EPHX2: variants seen among roughly 807,000 people sequenced by gnomAD.
EPHX2 encodes bifunctional epoxide hydrolase 2.
EPHX2 carries 74 observed loss-of-function variants against 78.7 expected under a neutral mutation model. The observed-to-expected ratio is 0.94, with a 90% confidence interval of 0.78 to 1.14. EPHX2 has a LOEUF of 1.14. EPHX2 is among the 50% of genes most tolerant of loss of function. The pLI is 0.00. For missense variants in EPHX2, 715 were observed against 702.5 expected, an observed-to-expected ratio of 1.02 and a Z score of -0.20; for synonymous variants, 251 against 255.2, an observed-to-expected ratio of 0.98 and a Z score of 0.16.
chr8:27,528,281 C>T (rs1407198629), intron 12 of EPHX2, among the ~76,000 whole-genome samples: 1 of 152,116 alleles, frequency 6.6e-6, no homozygotes, highest in East Asian at 1.9e-4. Context: ...GAACAAAGCG[C>T]CTTGGCAGGG....
At chr8:27,538,858 C>T (rs115498379) in intron 14 of EPHX2, 166 bp downstream of exon 14, 3 of 684,544 alleles carry the variant, frequency 4.4e-6, no homozygotes, top group Admixed American at 2.3e-5. Flanking sequence ...TAACCCCAGG[C>T]CTGAGCACAC....
intron 15 of EPHX2, 136 bp downstream of exon 15, chr8:27,540,792 T>A (rs1322900058): frequency 1.1e-5 from 8 of 753,270 alleles, no homozygotes; most frequent in Non-Finnish European, 1.6e-5. Flanking sequence ...TCTGCTTCAA[T>A]GCCTCCAGTG....
intron 10 of EPHX2, 107 bp from the exon 11 acceptor site, chr8:27,522,316 T>G: frequency 2.1e-6 from 2 of 971,476 alleles, no homozygotes; most frequent in South Asian, 3.0e-5. Flanking sequence ...CTGCTGTGGG[T>G]CGGGGGAGGA....
Position 27,491,282 on chromosome 8 carries a change from G to C in EPHX2, c.74G>C (p.Arg25Pro). ...ALPAVFGVLG[R>P]TEEALALPRG... Reference sequence around the variant, plus strand: ...CCAGCGGTGTTCGGCGTCCTCGGCCGCACGGAGGAGGCCCTGGCGCTGCCC... The same window carrying C: ...CCAGCGGTGTTCGGCGTCCTCGGCCCCACGGAGGAGGCCCTGGCGCTGCCC... Residue 25 changes from arginine (R) to proline (P), a missense_variant, in exon 1 of 19, where the codon CGC (arginine) becomes CCC (proline). Transcript: ENST00000521400. 1 of 1,573,050 alleles carries C rather than the reference G, an allele frequency of 6.4e-7. No individual in the cohort carries two copies. Among genetic ancestry groups the C allele is most frequent in the Non-Finnish European group, 8.6e-7 (1 of 1,169,200 alleles).
intron 5 of EPHX2, among the ~76,000 whole-genome samples, chr8:27,508,651 CAG>C (rs1814110164): frequency 1.3e-5 from 2 of 152,180 alleles, no homozygotes; most frequent in Non-Finnish European, 2.9e-5. Flanking sequence ...CTCTTTGTCT[CAG>C]GGGTAGGAGG....
At chr8:27,493,117 C>G (rs139199062) in intron 1 of EPHX2, 2,190 of 171,284 alleles carry the variant, frequency 0.013, 25 homozygotes, top group South Asian at 0.019. Context: ...TGGCCTTGAT[C>G]CTGGAGGAAA....
intron 12 of EPHX2, among the ~76,000 whole-genome samples, chr8:27,536,205 G>A (rs115824440): frequency 0.015 from 2,214 of 152,158 alleles, 53 homozygotes; most frequent in African/African-American, 0.051. Flanking sequence ...GCAATCTAAT[G>A]GTCTGTAACA....
chr8:27,544,287 C>T, intron 18 of EPHX2, 43 bp downstream of exon 18: 3 of 1,609,830 alleles, frequency 1.9e-6, no homozygotes, highest in Non-Finnish European at 1.7e-6. Flanking sequence ...GAGCAGGGCC[C>T]CCCGTTCACC....
rs747024567 is a variant in EPHX2, at chr8:27,516,845, G to A, written c.910+447G>A. ...AATCATACAGTATTTGTGCTTTTGT[G>A]TCTGGCTTCTTTCACTTAGCATAAT... is the stretch of plus-strand genomic sequence containing the variant. On this transcript the variant is annotated intron_variant, in intron 8 of 18. Coordinates refer to ENST00000521400, the MANE Select transcript of EPHX2 (RefSeq NM_001979.6). 2.0e-5 allele frequency among the ~76,000 whole-genome samples: 3 copies of A among 151,672 alleles called. 1 individual carries two copies. Among genetic ancestry groups the A allele is most frequent in the African/African-American group, 7.3e-5 (3 of 41,222 alleles).
chr8:27,526,083 A>C (rs1814837208), intron 12 of EPHX2, among the ~76,000 whole-genome samples: 1 of 152,200 alleles, frequency 6.6e-6, no homozygotes, highest in Non-Finnish European at 1.5e-5. Flanking sequence ...AATTATCCAG[A>C]GAGAATAAAA....
In EPHX2 at chr8:27,525,483, G is replaced by T. The variant is rs373383869; in HGVS notation, c.1170+10G>T. ...CTACTTCCAAGAACCAGTAAGTATGGCACCAAGGGCAACAATGGGAGCATT... is the reference window on the plus strand; with the variant it reads ...CTACTTCCAAGAACCAGTAAGTATGTCACCAAGGGCAACAATGGGAGCATT... On this transcript the variant is annotated intron_variant, in intron 12 of 18. Transcript: ENST00000521400. 8.1e-6 allele frequency: 13 copies of T among 1,601,356 alleles called. No homozygotes were observed. The highest frequency in any genetic ancestry group is 1.0e-5 in the Non-Finnish European group (12 of 1,168,412).
At chr8:27,525,092 G>A (rs1456865047) in intron 11 of EPHX2, among the ~76,000 whole-genome samples, 1 of 146,780 alleles carries the variant, frequency 6.8e-6, no homozygotes, top group African/African-American at 2.6e-5. Flanking sequence ...GTGTGTGTGT[G>A]TGTGTGTGTG....
At chr8:27,493,181 A>G (rs1813447624) in intron 1 of EPHX2, 1 of 154,458 alleles carries the variant, frequency 6.5e-6, no homozygotes, top group Admixed American at 6.5e-5. Flanking sequence ...TAATAGCAAG[A>G]TGGCTGTCAC....
rs72477589 is a variant in EPHX2, at chr8:27,539,982, A to G, written c.1277-572A>G. Among the ~76,000 whole-genome samples, 18 of 152,194 alleles carry G rather than the reference A, an allele frequency of 1.2e-4. No individual in the cohort carries two copies. In the East Asian group the frequency reaches 2.5e-3, roughly 21 times the overall value. Reference sequence around the variant, plus strand: ...GGTCCCTGGGCTGCCAGGGGTCATCACAGGCCATCCTCTGGAGGGACTGTG... The same window carrying G: ...GGTCCCTGGGCTGCCAGGGGTCATCGCAGGCCATCCTCTGGAGGGACTGTG... On this transcript the variant is annotated intron_variant, in intron 14 of 18. Coordinates refer to ENST00000521400, the MANE Select transcript of EPHX2 (RefSeq NM_001979.6).
At chr8:27,494,085 G>A (rs1162120106) in intron 1 of EPHX2, among the ~76,000 whole-genome samples, 3 of 152,260 alleles carry the variant, frequency 2.0e-5, no homozygotes, top group African/African-American at 4.8e-5. Context: ...GGGAGGAGGT[G>A]ATGATTTTGG....
At chr8:27,528,027 T>C (rs1159012619) in intron 12 of EPHX2, among the ~76,000 whole-genome samples, 2 of 152,026 alleles carry the variant, frequency 1.3e-5, no homozygotes, top group African/African-American at 2.4e-5. Context: ...GAGCTTGGGC[T>C]TTGTTCTGTG....
At chr8:27,522,700 T>C (rs1353339854) in intron 11 of EPHX2, among the ~76,000 whole-genome samples, 192 bp downstream of exon 11, 3 of 152,196 alleles carry the variant, frequency 2.0e-5, no homozygotes, top group Non-Finnish European at 2.9e-5. Context: ...GGCTCATGCC[T>C]GTAATCCCAG....
intron 6 of EPHX2, 67 bp from the exon 7 acceptor site, chr8:27,515,651 C>T (rs577691202): frequency 2.2e-5 from 30 of 1,350,464 alleles, no homozygotes; most frequent in Non-Finnish European, 2.3e-5. Flanking sequence ...ATTCTGCAGA[C>T]GCTGTGGGGC....
chr8:27,500,821 T>C, intron 1 of EPHX2, 105 bp from the exon 2 acceptor site: 2 of 1,026,822 alleles, frequency 1.9e-6, no homozygotes, highest in Non-Finnish European at 2.9e-6. Flanking sequence ...CCTGGCAGTA[T>C]CCCTTTCTAG....
Sources: allele counts gnomAD v4.1 joint callset (sites outside exome capture counted in the v4.1 genomes callset), GRCh38; gene constraint gnomAD v4.1.1; transcripts MANE v1.5; gene names NCBI Gene and HGNC (gene_info 2026-07-23, HGNC 2026-07-21).